The following FBLN7 variants were observed in gnomAD, a reference collection of about 807,000 sequenced individuals.
FBLN7 encodes fibulin 7, also known as fibulin-7.
A neutral mutation model predicts 44.0 loss-of-function variants in FBLN7; 31 were observed. The observed-to-expected ratio is 0.70, with a 90% CI of 0.53 to 0.95. The LOEUF (loss-of-function observed/expected upper bound fraction) is 0.95. Among genes scored for constraint, FBLN7 ranks in the 40% least tolerant of loss-of-function variants. FBLN7 has a pLI of 0.00. For missense variants in FBLN7, 573 were observed against 618.5 expected, an observed-to-expected ratio of 0.93 and a Z score of 0.78; for synonymous variants, 262 against 253.4, an observed-to-expected ratio of 1.03 and a Z score of -0.32.
chr2:112,193,396 C>T, the FBLN7 span, among the ~76,000 whole-genome samples: 1 of 152,238 alleles, frequency 6.6e-6, no homozygotes, highest in Non-Finnish European at 1.5e-5. Flanking sequence ...GCCGAGATAG[C>T]GCTGCTGCAC....
intron 6 of FBLN7, among the ~76,000 whole-genome samples, chr2:112,183,570 AG>A (rs1389253983): frequency 5.9e-5 from 9 of 152,202 alleles, no homozygotes; most frequent in African/African-American, 2.2e-4. Context: ...ACATCCAGGC[AG>A]GTCAGGACTC....
chr2:112,224,101 C>T, the FBLN7 span, among the ~76,000 whole-genome samples: 1 of 152,102 alleles, frequency 6.6e-6, no homozygotes, highest in South Asian at 2.1e-4. Flanking sequence ...ATAGATAATG[C>T]CACTGCACTC....
the FBLN7 span, among the ~76,000 whole-genome samples, chr2:112,220,515 T>G: frequency 6.6e-6 from 1 of 152,182 alleles, no homozygotes; most frequent in Non-Finnish European, 1.5e-5. Context: ...ATAGGTCTGC[T>G]GTTAGCCTAA....
chr2:112,234,468 T>G, the FBLN7 span, among the ~76,000 whole-genome samples: 3 of 152,362 alleles, frequency 2.0e-5, no homozygotes, highest in Middle Eastern at 3.4e-3. Flanking sequence ...GAATATTTTA[T>G]GATACATTGC....
At chr2:112,188,613 T>G (rs1409067153), downstream of FBLN7, 1 of 152,330 alleles carries the variant, frequency 6.6e-6, no homozygotes, top group East Asian at 1.9e-4. Context: ...GTAAGAAAGT[T>G]TCATTATCTA....
chr2:112,167,875 G>GTTATGTTATTTATA (rs767919839), intron 3 of FBLN7, among the ~76,000 whole-genome samples: 2 of 148,612 alleles, frequency 1.3e-5, no homozygotes, highest in African/African-American at 5.0e-5. Context: ...GACACGTTAT[G>GTTATGTTATTTATA]TTATGTTATG....
At chr2:112,192,207 A>G (rs1320442927), downstream of FBLN7, among the ~76,000 whole-genome samples, 1 of 152,164 alleles carries the variant, frequency 6.6e-6, no homozygotes, top group Non-Finnish European at 1.5e-5. Flanking sequence ...AGCAATATGC[A>G]TATGTCTTTT....
At chr2:112,207,177 G>A in the FBLN7 span, among the ~76,000 whole-genome samples, 2 of 152,142 alleles carry the variant, frequency 1.3e-5, no homozygotes, top group African/African-American at 2.4e-5. Context: ...TGAAAAGAAC[G>A]TGTATTTGGC....
At chr2:112,197,818 A>G in the FBLN7 span, among the ~76,000 whole-genome samples, 2 of 152,230 alleles carry the variant, frequency 1.3e-5, no homozygotes, top group East Asian at 1.9e-4. Flanking sequence ...GCAGAGTCAT[A>G]CTGGGACATT....
intron 3 of FBLN7, among the ~76,000 whole-genome samples, chr2:112,168,433 A>T (rs1268289430): frequency 6.6e-6 from 1 of 152,138 alleles, no homozygotes; most frequent in Non-Finnish European, 1.5e-5. Flanking sequence ...GAACAAAAAT[A>T]CTCATGTGTT....
chr2:112,160,504 G>A (rs539799422), intron 2 of FBLN7, among the ~76,000 whole-genome samples: 2 of 152,214 alleles, frequency 1.3e-5, no homozygotes, highest in South Asian at 4.2e-4. Flanking sequence ...TCCCTTCCCC[G>A]TCCACAAGTT....
chr2:112,230,281 GTATAACTACTTGAGAAAAAAACTGA>G, the FBLN7 span, among the ~76,000 whole-genome samples: 1 of 152,096 alleles, frequency 6.6e-6, no homozygotes, highest in Non-Finnish European at 1.5e-5. Context: ...GTATAAACTG[GTATAACTACTTGAGAAAAAAACTGA>G]TATTATATTA....
the FBLN7 span, among the ~76,000 whole-genome samples, chr2:112,194,047 C>G: frequency 6.6e-6 from 1 of 152,172 alleles, no homozygotes; most frequent in Non-Finnish European, 1.5e-5. Context: ...GGAATAGTTT[C>G]TATTTGCTCC....
At chr2:112,201,811 GCA>G in the FBLN7 span, among the ~76,000 whole-genome samples, 2 of 152,192 alleles carry the variant, frequency 1.3e-5, no homozygotes, top group Admixed American at 6.5e-5. Context: ...GAAATAAGGA[GCA>G]TTTCTGTTGA....
chr2:112,181,617 C>T, intron 4 of FBLN7, 122 bp from the exon 5 acceptor site: 1 of 1,194,998 alleles, frequency 8.4e-7, no homozygotes, highest in East Asian at 3.2e-5. Context: ...TTCCCTACTC[C>T]AGAGTAAGCC....
chr2:112,160,746 GCGCACGCACACACGCACGCACACGCAGA>G (rs1558880016), intron 2 of FBLN7, among the ~76,000 whole-genome samples: 42 of 86,264 alleles, frequency 4.9e-4, no homozygotes, highest in Middle Eastern at 0.018. Context: ...ACGCACACAC[GCGCACGCACACACGCACGCACACGCAGA>G]CGCACACGCA....
intron 4 of FBLN7, among the ~76,000 whole-genome samples, chr2:112,180,099 G>A (rs1573825418): frequency 6.6e-6 from 1 of 152,250 alleles, no homozygotes; most frequent in Middle Eastern, 3.4e-3. Flanking sequence ...ATCTGACAAA[G>A]GTCTAATATC....
chr2:112,204,228 C>T, the FBLN7 span, among the ~76,000 whole-genome samples: 15 of 149,132 alleles, frequency 1.0e-4, no homozygotes, highest in African/African-American at 3.0e-4. Context: ...AAGAAAGAAT[C>T]GGTGAATTTA....
the FBLN7 span, among the ~76,000 whole-genome samples, chr2:112,194,662 G>T: frequency 2.0e-5 from 3 of 152,330 alleles, no homozygotes; most frequent in East Asian, 3.9e-4. Flanking sequence ...GAATTGAGCT[G>T]AGAGGTTTCA....
Sources: allele counts gnomAD v4.1 joint callset (sites outside exome capture counted in the v4.1 genomes callset), GRCh38; gene constraint gnomAD v4.1.1; transcripts MANE v1.5; gene names NCBI Gene and HGNC (gene_info 2026-07-23, HGNC 2026-07-21).